Variants in FAM149A observed in about 807,000 individuals in gnomAD.
FAM149A encodes the protein protein FAM149A.
Under a neutral mutation model 78.2 loss-of-function variants are expected in FAM149A, and 71 were observed. The observed-to-expected ratio is 0.91, with a 90% CI of 0.75 to 1.11. The LOEUF (loss-of-function observed/expected upper bound fraction) is 1.11, where lower values mean the gene tolerates loss of function less well. Ranked by LOEUF, FAM149A falls within the 50% of genes least tolerant of loss-of-function variation. FAM149A has a pLI of 0.00. For synonymous variants in FAM149A, 446 were observed against 410.5 expected (o/e 1.09, Z -1.04); for missense variants, 1,036 against 971.0 (o/e 1.07, Z -0.89).
At chr4:186,117,424 A>G (rs568614307) in intron 1 of FAM149A, 2 of 985,216 alleles carry the variant, frequency 2.0e-6, no homozygotes, top group East Asian at 2.3e-4. Flanking sequence ...GTGGTTTCAG[A>G]CACACTGCTG....
rs1357525700 is a variant in FAM149A, at chr4:186,152,017, G to C, written c.904G>C (p.Glu302Gln). ...CCAGAGTCTGCTGGCCGAATGCGGG[G>C]AGTGGACAAGAAGATCCCTCCATTT... Residue 302 changes from glutamate (E) to glutamine (Q), a missense_variant, in exon 4 of 14, where the codon GAG becomes CAG. Transcript: ENST00000389354. 3 of 1,614,094 alleles carry C rather than the reference G, an allele frequency of 1.9e-6. No homozygotes were observed. In the South Asian group the frequency reaches 3.3e-5, roughly 18 times the overall value.
In FAM149A at chr4:186,153,275, A is replaced by T. The variant is rs1733756361; in HGVS notation, c.933-370A>T. The T allele has an allele frequency of 3.1e-6, 3 of 970,820 alleles. No homozygotes were observed. In the African/African-American group the frequency reaches 5.3e-5, roughly 17 times the overall value. 60.1% of individuals were successfully genotyped at this position (970,820 alleles called of 1,614,324 possible). ...TTGTATTCTTGTTATGTTTGTGTTT[A>T]ACTGTGTATTAGTTAATATGTATGG... On this transcript the variant is annotated intron_variant, in intron 4 of 13. Transcript: ENST00000389354.
At chr4:186,152,849 C>T (rs959102894) in intron 4 of FAM149A, among the ~76,000 whole-genome samples, 1 of 152,200 alleles carries the variant, frequency 6.6e-6, no homozygotes, top group Middle Eastern at 3.4e-3. Flanking sequence ...CGGCCAAAGG[C>T]AAGCTTATCT....
intron 1 of FAM149A, chr4:186,125,861 A>G (rs564470043): frequency 2.2e-4 from 220 of 985,406 alleles, no homozygotes; most frequent in Non-Finnish European, 2.6e-4. Context: ...TGAAGAAGCA[A>G]CGTAGAGGAG....
intron 13 of FAM149A, chr4:186,169,771 T>C (rs955012941): frequency 1.8e-5 from 18 of 985,304 alleles, no homozygotes; most frequent in Non-Finnish European, 2.0e-5. Context: ...CATTAACACG[T>C]GCAATCACAT....
chr4:186,105,496 C>T lies in FAM149A; in HGVS notation c.420C>T (p.Leu140=). The T allele has an allele frequency of 8.4e-7, 1 of 1,186,474 alleles. No homozygotes were observed. Among genetic ancestry groups the T allele is most frequent in the Non-Finnish European group, 1.1e-6 (1 of 947,052 alleles). The allele number at this position is 1,186,474 out of a possible 1,614,324, so 73.5% of individuals were successfully genotyped here. A position where few individuals can be genotyped will look rare whatever the true frequency, so the allele number is the denominator to read the frequency against. ...GCCCCGGCGGGGTCTGGGCCGCGCT[C>T]CCCAGGAACCCGCTCCAGCCTGGCC... The change falls in exon 1 of 14, where the codon CTC becomes CTT. Residue 140 remains leucine, a synonymous_variant. Coordinates refer to ENST00000389354, the MANE Select transcript of FAM149A (RefSeq NM_001367768.3).
At chr4:186,152,539 C>CTT (rs10718602) in intron 4 of FAM149A, among the ~76,000 whole-genome samples, 2,691 of 88,164 alleles carry the variant, frequency 0.031, 167 homozygotes, top group African/African-American at 0.09. Flanking sequence ...TTTCTTTTTG[C>CTT]TTTTTTTTTT....
rs1029890333 is a variant in FAM149A, at chr4:186,138,136, A to G, written c.567-11037A>G. On this transcript the variant is annotated intron_variant, in intron 1 of 13. Transcript: ENST00000389354. ...GTACATGTGTCACAACTAATGAACC[A>G]GTATCAATCCGTTACCATTAACTAA... 5.3e-5 allele frequency among the ~76,000 whole-genome samples: 8 copies of G among 152,236 alleles called. No individual in the cohort carries two copies. In the South Asian group the frequency reaches 6.2e-4, roughly 12 times the overall value.
In FAM149A at chr4:186,105,341, G is replaced by A; in HGVS notation, c.265G>A (p.Gly89Arg). ...GGGCTCCGCCGCCAGCCGCGCCGCG[G>A]GAGCAGTGGGGACCCTGCTCTCTTG... The change falls in exon 1 of 14, where the codon GGA becomes AGA. Residue 89 changes from glycine (G) to arginine (R), a missense_variant. Transcript: ENST00000389354. 1.7e-6 allele frequency: 2 copies of A among 1,171,976 alleles called. No homozygotes were observed. The highest frequency in any genetic ancestry group is 1.6e-5 in the South Asian group (1 of 62,678). 72.6% of individuals were successfully genotyped at this position (1,171,976 alleles called of 1,614,324 possible). A position where few individuals can be genotyped will look rare whatever the true frequency, so the allele number is the denominator to read the frequency against.
At chr4:186,121,715 C>T (rs2099316145) in intron 1 of FAM149A, among the ~76,000 whole-genome samples, 1 of 152,192 alleles carries the variant, frequency 6.6e-6, no homozygotes, top group Non-Finnish European at 1.5e-5. Context: ...GGACTGAAAA[C>T]GATGAGTGTG....
intron 1 of FAM149A, among the ~76,000 whole-genome samples, chr4:186,136,948 C>CTCTCTCTCTT (rs2099323081): frequency 2.4e-5 from 3 of 125,738 alleles, no homozygotes; most frequent in South Asian, 2.5e-4. Flanking sequence ...CTCTCTCTCT[C>CTCTCTCTCTT]TCTCTCTCTC....
Position 186,153,673 on chromosome 4 carries a change from AC to A in FAM149A, c.962del (p.Thr321MetfsTer41), listed in dbSNP as rs1196481042. 2 of 1,614,138 alleles carry A rather than the reference AC, an allele frequency of 1.2e-6. No homozygotes were observed. Among genetic ancestry groups the A allele is most frequent in the South Asian group, 2.2e-5 (2 of 91,086 alleles). On this transcript the variant is annotated frameshift_variant, in exon 5 of 14. Coordinates refer to ENST00000389354, the MANE Select transcript of FAM149A (RefSeq NM_001367768.3). LOFTEE classifies it high-confidence loss of function. The stretch of plus-strand genomic sequence containing the variant: ...ATTAGGAAGACAGCTGATCCTGCCC[AC>A]TGACAAAGGCGTCCAGCATTTCCAG...
rs1003587106 is a variant in FAM149A, at chr4:186,149,238, C to G, written c.632C>G (p.Thr211Arg). 1 of 1,289,248 alleles carries G rather than the reference C, an allele frequency of 7.8e-7. No homozygotes were observed. Among genetic ancestry groups the G allele is most frequent in the Non-Finnish European group, 1.0e-6 (1 of 988,544 alleles). 79.9% of individuals were successfully genotyped at this position (1,289,248 alleles called of 1,614,324 possible). A position where few individuals can be genotyped will look rare whatever the true frequency, so the allele number is the denominator to read the frequency against. Residue 211 changes from threonine (T) to arginine (R), a missense_variant, in exon 2 of 14, where the codon ACG (threonine) becomes AGG (arginine). Transcript: ENST00000389354. ...GTGAGGAGCAAAGATTCTTTACCTACGCATTTTACAAGAAATGTGCAGAAA... is the reference window on the plus strand; with the variant it reads ...GTGAGGAGCAAAGATTCTTTACCTAGGCATTTTACAAGAAATGTGCAGAAA...
intron 1 of FAM149A, among the ~76,000 whole-genome samples, chr4:186,106,669 C>T (rs1172973781): frequency 6.6e-6 from 1 of 152,124 alleles, no homozygotes; most frequent in Non-Finnish European, 1.5e-5. Context: ...AACAAGCGGC[C>T]GGGCACGGTG....
At chr4:186,132,009 A>G (rs1417714204) in intron 1 of FAM149A, 11 of 985,350 alleles carry the variant, frequency 1.1e-5, no homozygotes, top group Non-Finnish European at 1.3e-5. Flanking sequence ...CTTCTGTTCT[A>G]GCTTTCTTAT....
At position 186,158,315 on chromosome 4, in the gene FAM149A, T is replaced by C. The variant is rs567117211; in HGVS notation, c.1575+596T>C. ...GGCGTCTTGGCTAGCCCACCTCCCA[T>C]TGCTCTGTGGAACACAGATTCTCCT... On this transcript the variant is annotated intron_variant, in intron 8 of 13. Coordinates refer to ENST00000389354, the MANE Select transcript of FAM149A (RefSeq NM_001367768.3). 3.1e-5 allele frequency: 38 copies of C among 1,212,296 alleles called. No individual in the cohort carries two copies. The African/African-American group carries it at 5.7e-4, about 18-fold the overall frequency. The allele number at this position is 1,212,296 out of a possible 1,614,324, so 75.1% of individuals were successfully genotyped here.
chr4:186,158,809 GC>G, intron 8 of FAM149A: 1 of 1,009,952 alleles, frequency 9.9e-7, no homozygotes, highest in Non-Finnish European at 1.2e-6. Flanking sequence ...CAATGCTCAG[GC>G]CCCTGAATGA....
rs868525520 is a variant in FAM149A at position 186,166,882 on chromosome 4, G to A, written c.2011-86G>A. 1.9e-5 allele frequency: 26 copies of A among 1,361,454 alleles called. 1 individual carries two copies. The Middle Eastern group carries it at 3.1e-3, about 163-fold the overall frequency. The allele number at this position is 1,361,454 out of a possible 1,614,324, so 84.3% of individuals were successfully genotyped here. On this transcript the variant is annotated intron_variant, in intron 11 of 13. Transcript: ENST00000389354. The stretch of plus-strand genomic sequence containing the variant: ...TAACTAAAAGTTTCCAAATAGATGA[G>A]TGAACGATTGAGCATGTCGAGATTT...
intron 1 of FAM149A, among the ~76,000 whole-genome samples, chr4:186,130,556 GC>G (rs1465542275): frequency 6.7e-6 from 1 of 150,176 alleles, no homozygotes; most frequent in Admixed American, 6.7e-5. Flanking sequence ...ATGGGGTTTT[GC>G]CATGTTGCCC....
Sources: gnomAD v4.1 joint callset for allele counts (sites outside exome capture counted in the v4.1 genomes callset) on GRCh38, gnomAD v4.1.1 for gene constraint, MANE v1.5 for transcripts, NCBI Gene and HGNC (gene_info 2026-07-23, HGNC 2026-07-21) for gene names.